Variants in ASIC2 observed in about 807,000 individuals in gnomAD.
The protein encoded by ASIC2 is acid sensing ion channel subunit 2, also known as acid-sensing ion channel 2.
In ASIC2, 25 loss-of-function variants were observed where a neutral mutation model predicts 57.3. The ratio of observed to expected loss-of-function variants is 0.44; its 90% CI spans 0.32 to 0.61. The LOEUF (loss-of-function observed/expected upper bound fraction) is 0.61. Ranked by LOEUF, ASIC2 falls within the 20% of genes least tolerant of loss-of-function variation. The pLI is 0.06. For missense variants in ASIC2, 641 were observed against 738.1 expected (o/e 0.87, Z 1.52); for synonymous variants, 319 against 307.5 (o/e 1.04, Z -0.39).
intron 1 of ASIC2, among the ~76,000 whole-genome samples, chr17:33,715,724 TC>T (rs754379055): frequency 3.6e-4 from 55 of 152,202 alleles, no homozygotes; most frequent in Non-Finnish European, 3.5e-4. Context: ...TCCAATGGCA[TC>T]TTTTCCATCT....
At chr17:33,513,682 T>C (rs1466269480) in intron 1 of ASIC2, among the ~76,000 whole-genome samples, 2 of 152,214 alleles carry the variant, frequency 1.3e-5, no homozygotes, top group Non-Finnish European at 2.9e-5. Context: ...CAAAACCCCA[T>C]GACGTCCTCA....
At chr17:33,805,216 G>T (rs977744051) in intron 1 of ASIC2, among the ~76,000 whole-genome samples, 1 of 152,014 alleles carries the variant, frequency 6.6e-6, no homozygotes, top group African/African-American at 2.4e-5. Flanking sequence ...TGTTACAGTT[G>T]GCCTGTGTTT....
At chr17:33,675,287 G>A (rs779189648) in intron 1 of ASIC2, among the ~76,000 whole-genome samples, 40 of 152,142 alleles carry the variant, frequency 2.6e-4, no homozygotes, top group Middle Eastern at 3.2e-3. Flanking sequence ...TTTGGGCATA[G>A]GCTCAGGGTG....
intron 1 of ASIC2, among the ~76,000 whole-genome samples, chr17:33,914,434 C>A (rs1300794497): frequency 3.3e-5 from 5 of 152,114 alleles, no homozygotes; most frequent in Non-Finnish European, 7.4e-5. Context: ...CAATAGAGGC[C>A]CTGACAAAAC....
intron 1 of ASIC2, among the ~76,000 whole-genome samples, chr17:33,586,592 A>AATATG (rs1246454831): frequency 5.3e-5 from 8 of 152,128 alleles, no homozygotes; most frequent in Non-Finnish European, 1.2e-4. Context: ...TGGCTTTCTG[A>AATATG]ATATGCCCAA....
intron 1 of ASIC2, among the ~76,000 whole-genome samples, chr17:33,179,835 C>T (rs1334359241): frequency 6.6e-6 from 1 of 152,228 alleles, no homozygotes; most frequent in African/African-American, 2.4e-5. Context: ...TTGTGGGTCA[C>T]ACCAATTTGT....
intron 3 of ASIC2, among the ~76,000 whole-genome samples, chr17:33,080,168 G>A (rs574812673): frequency 4.0e-4 from 61 of 152,194 alleles, no homozygotes; most frequent in African/African-American, 1.5e-3. Flanking sequence ...GGGTGGCAGG[G>A]GAAGAATTGC....
At chr17:33,260,224 GC>G (rs1204439475) in intron 1 of ASIC2, among the ~76,000 whole-genome samples, 2 of 152,084 alleles carry the variant, frequency 1.3e-5, no homozygotes, top group African/African-American at 4.8e-5. Context: ...TGGCCTCCTG[GC>G]CCCTGAATCC....
intron 1 of ASIC2, among the ~76,000 whole-genome samples, chr17:33,708,454 T>C (rs1908927966): frequency 1.3e-5 from 2 of 152,234 alleles, no homozygotes; most frequent in South Asian, 2.1e-4. Flanking sequence ...ACATTCATTT[T>C]AGTGGGATCT....
chr17:34,013,102 T>G (rs982746653), intron 1 of ASIC2, among the ~76,000 whole-genome samples: 1 of 152,166 alleles, frequency 6.6e-6, no homozygotes, highest in East Asian at 1.9e-4. Context: ...AAAATTGGAT[T>G]TGATGGAATC....
intron 3 of ASIC2, among the ~76,000 whole-genome samples, chr17:33,062,074 A>G (rs543473535): frequency 1.3e-3 from 205 of 152,232 alleles, no homozygotes; most frequent in Non-Finnish European, 1.5e-3. Context: ...TAGTCTTGCT[A>G]GCAGTCTACC....
intron 1 of ASIC2, chr17:33,579,981 A>G (rs564108191): frequency 2.0e-5 from 3 of 152,238 alleles, no homozygotes; most frequent in South Asian, 4.1e-4. Context: ...GCTGATTGGT[A>G]TGTTTACAAA....
At chr17:33,167,244 C>T (rs544354611) in intron 1 of ASIC2, among the ~76,000 whole-genome samples, 1 of 152,288 alleles carries the variant, frequency 6.6e-6, no homozygotes, top group East Asian at 1.9e-4. Context: ...CTACTTGCCA[C>T]TTCTCTTGGT....
chr17:33,922,452 C>T (rs573030502), intron 1 of ASIC2, among the ~76,000 whole-genome samples: 16 of 152,256 alleles, frequency 1.1e-4, no homozygotes, highest in Admixed American at 5.9e-4. Flanking sequence ...TCAAAAATAC[C>T]GCCTCACTTT....
intron 1 of ASIC2, among the ~76,000 whole-genome samples, chr17:33,573,131 G>A (rs904095554): frequency 6.6e-6 from 1 of 152,142 alleles, no homozygotes; most frequent in African/African-American, 2.4e-5. Context: ...GGGCTTCATG[G>A]TACACGTTTA....
intron 1 of ASIC2, among the ~76,000 whole-genome samples, chr17:33,402,261 C>T (rs965224108): frequency 5.9e-5 from 9 of 152,212 alleles, no homozygotes; most frequent in East Asian, 5.8e-4. Flanking sequence ...CTGGATAAGG[C>T]TTTTTGATCA....
At chr17:33,146,027 G>A (rs2142023514) in intron 1 of ASIC2, among the ~76,000 whole-genome samples, 1 of 152,344 alleles carries the variant, frequency 6.6e-6, no homozygotes, top group East Asian at 1.9e-4. Context: ...AACATTTCCT[G>A]CTCTTAGCAC....
chr17:33,662,624 AAAATAAATAAATAAATAAAT>A (rs71144895), intron 1 of ASIC2, among the ~76,000 whole-genome samples: 3 of 85,746 alleles, frequency 3.5e-5, no homozygotes, highest in African/African-American at 6.3e-5. Context: ...CTCTGTCTCA[AAAATAAATAAATAAATAAAT>A]AAATAAATAA....
intron 1 of ASIC2, among the ~76,000 whole-genome samples, chr17:33,379,312 G>C (rs987794040): frequency 6.6e-6 from 1 of 152,130 alleles, no homozygotes; most frequent in Non-Finnish European, 1.5e-5. Context: ...CTTACACTCT[G>C]GCAGTTGCGA....
Sources: allele counts gnomAD v4.1 joint callset (sites outside exome capture counted in the v4.1 genomes callset), GRCh38; gene constraint gnomAD v4.1.1; transcripts MANE v1.5; gene names NCBI Gene and HGNC (gene_info 2026-07-23, HGNC 2026-07-21).